The following ASAH1 variants were observed in gnomAD, a reference collection of about 807,000 sequenced individuals.
ASAH1 encodes the protein N-acylsphingosine amidohydrolase 1.
ASAH1 carries 70 observed loss-of-function variants against 59.5 expected under a neutral mutation model. The ratio of observed to expected loss-of-function variants is 1.18; its 90% CI spans 0.97 to 1.43. ASAH1 has a LOEUF of 1.43. ASAH1 is among the 40% of genes most tolerant of loss of function. ASAH1 has a pLI of 0.00. For synonymous variants in ASAH1, 213 were observed against 166.5 expected (o/e 1.28, Z -2.15); for missense variants, 660 against 482.5 (o/e 1.37, Z -3.45).
rs1213694585 is a variant in ASAH1 at position 18,084,016 on chromosome 8, C to T, written c.43G>A (p.Ala15Thr). 5 of 1,598,324 alleles carry T rather than the reference C, an allele frequency of 3.1e-6. No individual in the cohort carries two copies. The highest frequency in any genetic ancestry group is 1.3e-5 in the African/African-American group (1 of 74,910). ...SCVALVLLAA[A>T]VSCAVAQHAP... ...TGCTGCGCGACGGCACAGCTGACGG[C>T]GGCAGCCAGGAGGACTAAGGCGACG... is the stretch of plus-strand genomic sequence containing the variant. The change falls in exon 1 of 14, where the codon GCC becomes ACC. Residue 15 changes from alanine to threonine, a missense_variant. Physicochemically the swap from Ala to Thr is moderately conservative, Grantham distance 58. Transcript: ENST00000637790.
intron 5 of ASAH1, chr8:18,064,904 T>A (rs557674926): frequency 5.5e-6 from 1 of 180,494 alleles, no homozygotes; most frequent in Admixed American, 5.7e-5. Context: ...CCCAGATTTT[T>A]AAAGTGTGAC....
At chr8:18,075,816 T>A (rs1257828632) in intron 1 of ASAH1, 2 of 566,226 alleles carry the variant, frequency 3.5e-6, no homozygotes, top group Admixed American at 6.2e-5. Context: ...CTAGGTGTTA[T>A]AATTTGGCTC....
At chr8:18,061,545 C>G in intron 9 of ASAH1, 87 bp from the exon 10 acceptor site, 1 of 1,438,998 alleles carries the variant, frequency 6.9e-7, no homozygotes, top group Non-Finnish European at 9.8e-7. Context: ...ACTATATAAC[C>G]AGTCAGGAAC....
chr8:18,063,477 T>G, intron 6 of ASAH1: 1 of 407,894 alleles, frequency 2.5e-6, no homozygotes, highest in Non-Finnish European at 4.4e-6. Flanking sequence ...CTACTTTTTT[T>G]TTTTTTTTGT....
intron 6 of ASAH1, chr8:18,064,069 G>T: frequency 3.0e-6 from 1 of 335,992 alleles, no homozygotes; most frequent in Admixed American, 4.5e-5. Context: ...GCTGGGAAAG[G>T]ATGGGAGAAT....
chr8:18,077,312 A>G (rs925947798), intron 1 of ASAH1, among the ~76,000 whole-genome samples: 3 of 152,216 alleles, frequency 2.0e-5, no homozygotes, highest in Non-Finnish European at 2.9e-5. Flanking sequence ...AACACCTCGC[A>G]TGTTCACAAG....
At chr8:18,080,090 TG>T (rs1800589890) in intron 1 of ASAH1, among the ~76,000 whole-genome samples, 1 of 152,176 alleles carries the variant, frequency 6.6e-6, no homozygotes, top group African/African-American at 2.4e-5. Context: ...GTTCCCTCTT[TG>T]GGAGAAGTAG....
At chr8:18,064,610 G>C in intron 5 of ASAH1, 79 bp from the exon 6 acceptor site, 2 of 859,722 alleles carry the variant, frequency 2.3e-6, no homozygotes, top group East Asian at 5.3e-5. Flanking sequence ...AAAAGTTTCA[G>C]TGTTTTCATT....
chr8:18,077,917 C>A (rs1800478532), intron 1 of ASAH1, among the ~76,000 whole-genome samples: 1 of 152,102 alleles, frequency 6.6e-6, no homozygotes, highest in Admixed American at 6.5e-5. Flanking sequence ...GTGATGGGTA[C>A]TTAACCCAAG....
Position 18,069,820 on chromosome 8 carries a change from T to C in ASAH1, c.275A>G (p.Lys92Arg), listed in dbSNP as rs2117056300. 4 of 1,589,918 alleles carry C rather than the reference T, an allele frequency of 2.5e-6. No individual in the cohort carries two copies. The South Asian group carries it at 3.3e-5, about 13-fold the overall frequency. Residue 92 changes from lysine (K) to arginine (R), a missense_variant, in exon 4 of 14, where the codon AAA becomes AGA. Lys to Arg is a conservative substitution (Grantham distance 26). Transcript: ENST00000637790. ...TTTTTCATCCACCACCTGCATAATT[T>C]TTCCACTTGGCACGAATGTATTTAT... ...NMINTFVPSG[K>R]IMQVVDEKLP...
intron 1 of ASAH1, chr8:18,076,025 T>G (rs1488667642): frequency 4.2e-6 from 1 of 237,968 alleles, no homozygotes; most frequent in Non-Finnish European, 8.4e-6. Flanking sequence ...ACAGGGCCCT[T>G]CATCATCTTT....
chr8:18,063,417 C>T, intron 6 of ASAH1, 187 bp from the exon 7 acceptor site: 1 of 615,976 alleles, frequency 1.6e-6, no homozygotes, highest in Non-Finnish European at 2.9e-6. Context: ...AATTCTTGTG[C>T]CTCAGCCTTC....
chr8:18,076,822 A>C (rs144786618), intron 1 of ASAH1: 30 of 152,338 alleles, frequency 2.0e-4, no homozygotes, highest in African/African-American at 6.0e-4. Flanking sequence ...ACCTTGTTTT[A>C]ACTTTTGATA....
intron 1 of ASAH1, among the ~76,000 whole-genome samples, chr8:18,079,790 T>C (rs1277729668): frequency 6.6e-6 from 1 of 152,252 alleles, no homozygotes; most frequent in African/African-American, 2.4e-5. Flanking sequence ...GTTTTTCCTA[T>C]AATGTCCTCT....
intron 1 of ASAH1, among the ~76,000 whole-genome samples, chr8:18,078,728 G>C (rs1392775914): frequency 6.6e-6 from 1 of 152,024 alleles, no homozygotes; most frequent in Non-Finnish European, 1.5e-5. Flanking sequence ...TATTAAGGCA[G>C]GTAAAAACTT....
intron 5 of ASAH1, chr8:18,066,422 C>CAAAAAAAAAAAAAAAAAAAAAAA (rs35999931): frequency 1.6e-5 from 2 of 127,338 alleles, no homozygotes; most frequent in East Asian, 2.2e-4. Context: ...CAAAGAAAAC[C>CAAAAAAAAAAAAAAAAAAAAAAA]AAAAAAAAAA....
At chr8:18,072,410 G>A (rs527285513) in intron 2 of ASAH1, among the ~76,000 whole-genome samples, 4 of 152,220 alleles carry the variant, frequency 2.6e-5, no homozygotes, top group Admixed American at 6.5e-5. Flanking sequence ...ATAATTACTT[G>A]GTTCTCTAAA....
At position 18,084,085 on chromosome 8, in the gene ASAH1, G is replaced by C. The variant is rs371756048; in HGVS notation, c.-27C>G. On this transcript the variant is annotated 5_prime_UTR_variant, in exon 1 of 14. Coordinates refer to ENST00000637790, the MANE Select transcript of ASAH1 (RefSeq NM_177924.5). ...GCTCTAGCAGCCAACGCCACTCCCCGGACTCCAGCAGAGGCAAAGAAGAGC... is the reference window on the plus strand; with the variant it reads ...GCTCTAGCAGCCAACGCCACTCCCCCGACTCCAGCAGAGGCAAAGAAGAGC... The C allele has an allele frequency of 1.3e-6, 2 of 1,597,734 alleles. No individual in the cohort carries two copies. Among genetic ancestry groups the C allele is most frequent in the Non-Finnish European group, 1.7e-6 (2 of 1,179,492 alleles).
intron 4 of ASAH1, chr8:18,067,847 G>C (rs1007440962): frequency 2.0e-5 from 3 of 152,220 alleles, no homozygotes; most frequent in Non-Finnish European, 4.4e-5. Context: ...AGCAAATTCA[G>C]TGGTGGACAT....
Sources: allele counts gnomAD v4.1 joint callset (sites outside exome capture counted in the v4.1 genomes callset), GRCh38; gene constraint gnomAD v4.1.1; transcripts MANE v1.5; gene names NCBI Gene and HGNC (gene_info 2026-07-23, HGNC 2026-07-21).